Variants in PCDH7 observed in about 807,000 individuals in gnomAD.
PCDH7 encodes the protein protocadherin-7.
PCDH7 carries 17 observed loss-of-function variants against 58.9 expected under a neutral mutation model. The observed-to-expected ratio is 0.29, with a 90% confidence interval of 0.20 to 0.43. The LOEUF (loss-of-function observed/expected upper bound fraction) is 0.43, where lower values mean the gene tolerates loss of function less well. Among genes scored for constraint, PCDH7 ranks in the 20% least tolerant of loss-of-function variants. The probability of loss-of-function intolerance (pLI) is 1.00; values close to 1 mark genes in which losing one functional copy is unlikely to be tolerated. For synonymous variants in PCDH7, 664 were observed against 616.4 expected, an observed-to-expected ratio of 1.08 and a Z score of -1.14; for missense variants, 1,274 against 1,441.0, an observed-to-expected ratio of 0.88 and a Z score of 1.88.
intron 2 of PCDH7, among the ~76,000 whole-genome samples, chr4:30,945,391 T>C (rs992077069): frequency 6.6e-6 from 1 of 152,138 alleles, no homozygotes; most frequent in Non-Finnish European, 1.5e-5. Flanking sequence ...TAAACACTTT[T>C]AAAATTTAAA....
At position 30,882,006 on chromosome 4, in the gene PCDH7, G is replaced by C. The variant is rs539975352; in HGVS notation, c.71-38147G>C. 8.6e-4 allele frequency among the ~76,000 whole-genome samples: 131 copies of C among 152,156 alleles called. 3 individuals are homozygous for C. Among genetic ancestry groups the C allele is most frequent in the Non-Finnish European group, 2.4e-4 (16 of 68,006 alleles). ...AGTGTGAAACATGAGTCTTATTGTA[G>C]ATGTCACAATTTGGAGCTAGTAATT... On this transcript the variant is annotated intron_variant, in intron 1 of 3. Transcript: ENST00000509759.
At chr4:30,724,512 T>C (rs1249944036) in exon 1 of PCDH7, 2 of 1,613,982 alleles carry the variant, frequency 1.2e-6, no homozygotes, top group Admixed American at 1.7e-5. Flanking sequence ...CCAACACATT[T>C]GTGGGAGCAG....
At chr4:31,054,895 T>C (rs1158805871) in intron 3 of PCDH7, among the ~76,000 whole-genome samples, 1 of 152,226 alleles carries the variant, frequency 6.6e-6, no homozygotes, top group Non-Finnish European at 1.5e-5. Context: ...TTCTTAATGT[T>C]GAGTTTATGA....
At chr4:30,919,259 A>G (rs1298657009) in intron 1 of PCDH7, among the ~76,000 whole-genome samples, 1 of 151,996 alleles carries the variant, frequency 6.6e-6, no homozygotes, top group Non-Finnish European at 1.5e-5. Context: ...CTGTCAATAC[A>G]TGGCATTGGT....
chr4:30,986,761 T>G (rs1236197299), intron 3 of PCDH7, among the ~76,000 whole-genome samples: 3 of 152,076 alleles, frequency 2.0e-5, no homozygotes, highest in African/African-American at 7.2e-5. Context: ...GGTGGGCGGA[T>G]CACGAAGTCA....
intron 3 of PCDH7, among the ~76,000 whole-genome samples, chr4:31,104,969 T>A (rs542511994): frequency 6.6e-6 from 1 of 152,326 alleles, no homozygotes; most frequent in East Asian, 1.9e-4. Context: ...CCAGTGTACC[T>A]TAAGGAACAC....
intron 3 of PCDH7, among the ~76,000 whole-genome samples, chr4:31,124,917 T>C (rs187329025): frequency 8.5e-5 from 13 of 152,242 alleles, no homozygotes; most frequent in Non-Finnish European, 8.8e-5. Flanking sequence ...CGCCAAGGAG[T>C]GGTTCAGCAT....
At chr4:30,867,971 A>G (rs1735088617) in intron 1 of PCDH7, among the ~76,000 whole-genome samples, 1 of 152,088 alleles carries the variant, frequency 6.6e-6, no homozygotes. Flanking sequence ...AGGATGTCAT[A>G]AAACCTTTCC....
intron 1 of PCDH7, among the ~76,000 whole-genome samples, chr4:30,906,873 A>G (rs1008235221): frequency 1.3e-5 from 2 of 151,910 alleles, no homozygotes; most frequent in Non-Finnish European, 2.9e-5. Context: ...AAATACAAAA[A>G]TTAGCTGGGC....
chr4:30,858,960 G>A (rs749255423), intron 1 of PCDH7, among the ~76,000 whole-genome samples: 37 of 152,314 alleles, frequency 2.4e-4, no homozygotes, highest in Middle Eastern at 3.4e-3. Context: ...TGCATTGTTT[G>A]ACGGATTGTG....
At chr4:31,089,627 G>T (rs1011396549) in intron 3 of PCDH7, among the ~76,000 whole-genome samples, 2 of 151,872 alleles carry the variant, frequency 1.3e-5, no homozygotes, top group Non-Finnish European at 2.9e-5. Context: ...AAATATTAAG[G>T]CTAAATTCAG....
chr4:30,911,890 A>T (rs1255020708), intron 1 of PCDH7, among the ~76,000 whole-genome samples: 1 of 152,162 alleles, frequency 6.6e-6, no homozygotes, highest in African/African-American at 2.4e-5. Flanking sequence ...CTTTTTTTAA[A>T]AAAAAAATTA....
chr4:30,874,821 C>G (rs1047088743), intron 1 of PCDH7, among the ~76,000 whole-genome samples: 1 of 151,762 alleles, frequency 6.6e-6, no homozygotes, highest in African/African-American at 2.4e-5. Flanking sequence ...CATTACTTAA[C>G]TACCTCTGTC....
chr4:31,035,247 C>CT (rs35099580), intron 3 of PCDH7, among the ~76,000 whole-genome samples: 7,630 of 99,352 alleles, frequency 0.077, 108 homozygotes, highest in Non-Finnish European at 0.087. Context: ...CCTTTTTTCC[C>CT]TTTTTTTTTT....
intron 3 of PCDH7, among the ~76,000 whole-genome samples, chr4:30,957,341 C>CA (rs2109454740): frequency 6.6e-6 from 1 of 152,264 alleles, no homozygotes; most frequent in Non-Finnish European, 1.5e-5. Context: ...AAAATGTCTT[C>CA]AGACACCAGT....
At chr4:30,778,235 GA>G in intron 1 of PCDH7, among the ~76,000 whole-genome samples, 1 of 152,134 alleles carries the variant, frequency 6.6e-6, no homozygotes, top group African/African-American at 2.4e-5. Flanking sequence ...AAATCCTTAT[GA>G]TAATTTGGTA....
chr4:30,932,766 A>G (rs1385642836), intron 2 of PCDH7, among the ~76,000 whole-genome samples: 2 of 152,262 alleles, frequency 1.3e-5, no homozygotes, highest in Non-Finnish European at 2.9e-5. Flanking sequence ...CATAAAACAC[A>G]ATTTTATCAC....
At chr4:31,054,894 T>C (rs1400476835) in intron 3 of PCDH7, among the ~76,000 whole-genome samples, 1 of 152,200 alleles carries the variant, frequency 6.6e-6, no homozygotes, top group East Asian at 1.9e-4. Flanking sequence ...TTTCTTAATG[T>C]TGAGTTTATG....
intron 3 of PCDH7, among the ~76,000 whole-genome samples, chr4:31,061,270 C>A (rs1448476617): frequency 1.3e-5 from 2 of 151,638 alleles, no homozygotes; most frequent in African/African-American, 4.8e-5. Flanking sequence ...TCTCTTTTAG[C>A]AGAAGCTATC....
Sources: gnomAD v4.1 joint callset for allele counts (sites outside exome capture counted in the v4.1 genomes callset) on GRCh38, gnomAD v4.1.1 for gene constraint, MANE v1.5 for transcripts, NCBI Gene and HGNC (gene_info 2026-07-23, HGNC 2026-07-21) for gene names.